The following JAKMIP2 variants were observed in gnomAD, a reference collection of about 807,000 sequenced individuals.
JAKMIP2 encodes the protein janus kinase and microtubule interacting protein 2, also known as janus kinase and microtubule-interacting protein 2.
A neutral mutation model predicts 115.0 loss-of-function variants in JAKMIP2; 25 were observed. The ratio of observed to expected loss-of-function variants is 0.22; its 90% CI spans 0.16 to 0.30. The LOEUF (loss-of-function observed/expected upper bound fraction) is 0.30. Ranked by LOEUF, JAKMIP2 falls within the 10% of genes least tolerant of loss-of-function variation. JAKMIP2 has a pLI of 1.00. For synonymous variants in JAKMIP2, 334 were observed against 343.6 expected (o/e 0.97, Z 0.31); for missense variants, 642 against 957.6 (o/e 0.67, Z 4.35).
At chr5:147,724,397 A>G (rs1034408108) in intron 1 of JAKMIP2, among the ~76,000 whole-genome samples, 1 of 152,184 alleles carries the variant, frequency 6.6e-6, no homozygotes, top group East Asian at 1.9e-4. Context: ...TTATATAGAA[A>G]TATCTTCTTA....
intron 3 of JAKMIP2, among the ~76,000 whole-genome samples, chr5:147,651,298 G>C (rs906667359): frequency 2.6e-5 from 4 of 152,110 alleles, no homozygotes; most frequent in African/African-American, 9.7e-5. Context: ...TGCTAAGCCT[G>C]GGCATGGCCT....
chr5:147,761,093 G>C (rs886238403), intron 1 of JAKMIP2, among the ~76,000 whole-genome samples: 1 of 152,096 alleles, frequency 6.6e-6, no homozygotes. Flanking sequence ...CTTAGTGTCT[G>C]CTTTTATACT....
In JAKMIP2 at chr5:147,615,372, T is replaced by G. The variant is rs535103161; in HGVS notation, c.2346+2539A>C. On this transcript the variant is annotated intron_variant, in intron 19 of 21. Coordinates refer to ENST00000616793, the MANE Select transcript of JAKMIP2 (RefSeq NM_001270941.2). ...ATGGACACTTTAGGATGAGCAATTA[T>G]GCAACAAGGGCTTAGAGGTGGAAAA... Among the ~76,000 whole-genome samples the G allele has an allele frequency of 1.7e-3, 259 of 152,294 alleles. 3 individuals carry two copies. The highest frequency in any genetic ancestry group is 2.8e-4 in the Non-Finnish European group (19 of 68,022).
chr5:147,728,162 A>C (rs2126961426), intron 1 of JAKMIP2, among the ~76,000 whole-genome samples: 1 of 152,250 alleles, frequency 6.6e-6, no homozygotes, highest in Non-Finnish European at 1.5e-5. Flanking sequence ...ATATACTTTT[A>C]GGGGTGGCTA....
intron 20 of JAKMIP2, among the ~76,000 whole-genome samples, chr5:147,611,893 CTG>C (rs1279905367): frequency 6.6e-6 from 1 of 152,082 alleles, no homozygotes; most frequent in African/African-American, 2.4e-5. Flanking sequence ...TCTGAATTTA[CTG>C]TTAAGGTGAA....
At chr5:147,742,760 G>C (rs769578190) in intron 1 of JAKMIP2, among the ~76,000 whole-genome samples, 1 of 152,032 alleles carries the variant, frequency 6.6e-6, no homozygotes, top group Non-Finnish European at 1.5e-5. Flanking sequence ...AATGATGCTA[G>C]TCCTTCCTCC....
intron 12 of JAKMIP2, among the ~76,000 whole-genome samples, chr5:147,633,698 T>TC (rs1757474216): frequency 6.6e-6 from 1 of 151,346 alleles, no homozygotes. Context: ...CTTTGGATTT[T>TC]TTTTTTTTTT....
At position 147,636,276 on chromosome 5, in the gene JAKMIP2, G is replaced by C; in HGVS notation, c.1623C>G (p.His541Gln). Reference protein sequence around the residue: ...ATLAQKGQDSHWVEDKQLFIK... With the variant: ...ATLAQKGQDSQWVEDKQLFIK... Reference sequence around the variant, plus strand: ...TGAAAAGTTGTTTATCTTCTACCCAGTGTGAATCCTGTTTGACAAAGAATA... The same window carrying C: ...TGAAAAGTTGTTTATCTTCTACCCACTGTGAATCCTGTTTGACAAAGAATA... Residue 541 changes from histidine (H) to glutamine (Q), a missense_variant, in exon 12 of 22, where the codon CAC (histidine) becomes CAG (glutamine). Physicochemically the swap from His to Gln is conservative, Grantham distance 24. This residue lies in a region of JAKMIP2 where 103 missense variants were observed against 177.6 expected (regional missense o/e 0.58). Transcript: ENST00000616793. 1 of 1,613,600 alleles carries C rather than the reference G, an allele frequency of 6.2e-7. No homozygotes were observed. The highest frequency in any genetic ancestry group is 8.5e-7 in the Non-Finnish European group (1 of 1,179,574).
At position 147,702,553 on chromosome 5, in the gene JAKMIP2, G is replaced by GAAGA. The variant is rs140762384; in HGVS notation, c.-148-30603_-148-30600dup. 1.9e-3 allele frequency among the ~76,000 whole-genome samples: 200 copies of GAAGA among 104,078 alleles called. 1 individual carries two copies. The highest frequency in any genetic ancestry group is 5.2e-3 in the African/African-American group (116 of 22,258). The allele number at this position is 104,078 out of a possible 152,430, so 68.3% of individuals were successfully genotyped here. A position where few individuals can be genotyped will look rare whatever the true frequency, so the allele number is the denominator to read the frequency against. On this transcript the variant is annotated intron_variant, in intron 1 of 21. Transcript: ENST00000616793. ...AGGGAGAGAGAGAGAGACAAAGAAA[G>GAAGA]AAGAAAGAAAGAAAGAAAGAAAGAA...
At chr5:147,666,725 T>G (rs563689121) in intron 2 of JAKMIP2, among the ~76,000 whole-genome samples, 13 of 152,280 alleles carry the variant, frequency 8.5e-5, no homozygotes, top group Admixed American at 8.5e-4. Context: ...CACCTCGTAT[T>G]TGCACCTGAA....
chr5:147,601,252 A>T (rs1220571071), intron 21 of JAKMIP2, among the ~76,000 whole-genome samples: 1 of 152,166 alleles, frequency 6.6e-6, no homozygotes, highest in Non-Finnish European at 1.5e-5. Context: ...TTCTCAATTT[A>T]TGGCATTTAT....
intron 15 of JAKMIP2, among the ~76,000 whole-genome samples, chr5:147,629,148 A>G (rs1757246124): frequency 6.6e-6 from 1 of 152,142 alleles, no homozygotes; most frequent in Non-Finnish European, 1.5e-5. Context: ...AATTTTACTA[A>G]TTCTGTTCTC....
At chr5:147,757,307 T>C (rs985854501) in intron 1 of JAKMIP2, among the ~76,000 whole-genome samples, 2 of 152,226 alleles carry the variant, frequency 1.3e-5, no homozygotes, top group South Asian at 4.1e-4. Context: ...CCTTCACAGG[T>C]GAAGTCACTA....
At chr5:147,611,682 G>C (rs1756334760) in intron 20 of JAKMIP2, among the ~76,000 whole-genome samples, 1 of 152,154 alleles carries the variant, frequency 6.6e-6, no homozygotes, top group African/African-American at 2.4e-5. Context: ...GTGCAAGCCT[G>C]TGTAGCTCGC....
At chr5:147,759,181 GA>G (rs1754846189) in intron 1 of JAKMIP2, among the ~76,000 whole-genome samples, 1 of 148,730 alleles carries the variant, frequency 6.7e-6, no homozygotes, top group Non-Finnish European at 1.5e-5. Flanking sequence ...ATCTAATAAT[GA>G]AAACAAAAGA....
At chr5:147,661,782 G>A (rs1425493536) in intron 2 of JAKMIP2, 1 of 255,462 alleles carries the variant, frequency 3.9e-6, no homozygotes, top group African/African-American at 2.3e-5. Context: ...CCAGATCTAT[G>A]ACTCAGAATT....
intron 1 of JAKMIP2, among the ~76,000 whole-genome samples, chr5:147,709,306 G>A (rs997122084): frequency 1.3e-5 from 2 of 152,106 alleles, no homozygotes; most frequent in African/African-American, 4.8e-5. Flanking sequence ...ATGTATTTGT[G>A]TGTGTAAATC....
At chr5:147,641,580 A>G (rs1169195225) in intron 8 of JAKMIP2, 128 bp downstream of exon 8, 2 of 614,920 alleles carry the variant, frequency 3.3e-6, no homozygotes, top group Non-Finnish European at 5.8e-6. Context: ...CTAGCAAATA[A>G]TGCCCATGGT....
intron 1 of JAKMIP2, among the ~76,000 whole-genome samples, chr5:147,700,032 C>T (rs780050388): frequency 6.6e-6 from 1 of 152,154 alleles, no homozygotes; most frequent in Non-Finnish European, 1.5e-5. Flanking sequence ...TCCCAATGAT[C>T]AAAGAGAAGC....
Sources: gnomAD v4.1 joint callset for allele counts (sites outside exome capture counted in the v4.1 genomes callset) on GRCh38, gnomAD v4.1.1 for gene constraint, gnomAD v4.1.1 regional missense constraint, MANE v1.5 for transcripts, NCBI Gene and HGNC (gene_info 2026-07-23, HGNC 2026-07-21) for gene names.